TMPO: variants seen among roughly 807,000 people sequenced by gnomAD.
TMPO encodes thymopoietin.
TMPO carries 22 observed loss-of-function variants against 45.4 expected under a neutral mutation model. The observed-to-expected ratio is 0.48, with a 90% CI of 0.35 to 0.69. The LOEUF (loss-of-function observed/expected upper bound fraction) is 0.69, where lower values mean the gene tolerates loss of function less well. Among genes scored for constraint, TMPO ranks in the 30% least tolerant of loss-of-function variants. The probability of loss-of-function intolerance (pLI) is 0.01; values close to 1 mark genes in which losing one functional copy is unlikely to be tolerated. For synonymous variants in TMPO, 241 were observed against 204.1 expected, an observed-to-expected ratio of 1.18 and a Z score of -1.54; for missense variants, 512 against 548.8, an observed-to-expected ratio of 0.93 and a Z score of 0.67.
At chr12:98,527,627 A>C (rs1876877849) in intron 1 of TMPO, 1 of 381,382 alleles carries the variant, frequency 2.6e-6, no homozygotes, top group South Asian at 3.1e-5. Flanking sequence ...TATCTCTTTT[A>C]GATAGGTAAT....
intron 1 of TMPO, among the ~76,000 whole-genome samples, chr12:98,516,840 G>C (rs956645098): frequency 3.9e-5 from 6 of 152,074 alleles, no homozygotes; most frequent in African/African-American, 1.4e-4. Context: ...ATGGAGTGTC[G>C]CACTTGTTGC....
In TMPO at chr12:98,534,482, A is replaced by G. The variant is rs1877445718; in HGVS notation, c.565+2644A>G. The G allele has an allele frequency of 5.3e-6, 8 of 1,495,350 alleles. No homozygotes were observed. In the South Asian group the frequency reaches 9.1e-5, roughly 17 times the overall value. The allele number at this position is 1,495,350 out of a possible 1,614,324, so 92.6% of individuals were successfully genotyped here. On this transcript the variant is annotated intron_variant, in intron 3 of 8. Coordinates refer to ENST00000556029, the MANE Select transcript of TMPO (RefSeq NM_001032283.3). ...CTTCTACCCATCAAATTACAGTATAAAAGTAATTGCCTGTGTAGAACTACT... is the reference window on the plus strand; with the variant it reads ...CTTCTACCCATCAAATTACAGTATAGAAGTAATTGCCTGTGTAGAACTACT...
Position 98,516,128 on chromosome 12 carries a change from C to A in TMPO, c.261C>A (p.Ser87Arg). 1 of 1,479,602 alleles carries A rather than the reference C, an allele frequency of 6.8e-7. No individual in the cohort carries two copies. The highest frequency in any genetic ancestry group is 8.9e-7 in the Non-Finnish European group (1 of 1,125,546). 91.7% of individuals were successfully genotyped at this position (1,479,602 alleles called of 1,614,324 possible). Reference protein sequence around the residue: ...LGSGAAAAGRSRAAVGRKATK... With the variant: ...LGSGAAAAGRRRAAVGRKATK... ...CTGGGGCCGCCGCCGCGGGCCGGAG[C>A]CGAGCAGCCGTCGGCAGGGTAAGGA... Residue 87 changes from serine to arginine, a missense_variant, in exon 1 of 9, where the codon AGC (serine) becomes AGA (arginine). Physicochemically the swap from Ser to Arg is moderately radical, Grantham distance 110. Coordinates refer to ENST00000556029, the MANE Select transcript of TMPO (RefSeq NM_001032283.3).
rs1041565738 is a variant in TMPO at position 98,537,975 on chromosome 12, C to T, written c.663+403C>T. Reference sequence around the variant, plus strand: ...TTATGTTTGCCTGTCTTGTCTTCTGCGATTCTTTCCTAAACTCAGAAGCTA... The same window carrying T: ...TTATGTTTGCCTGTCTTGTCTTCTGTGATTCTTTCCTAAACTCAGAAGCTA... On this transcript the variant is annotated intron_variant, in intron 4 of 8. Transcript: ENST00000556029. 2.0e-5 allele frequency among the ~76,000 whole-genome samples: 3 copies of T among 152,184 alleles called. No individual in the cohort carries two copies. In the East Asian group the frequency reaches 5.8e-4, roughly 29 times the overall value.
chr12:98,545,137 T>TTG, intron 7 of TMPO, 76 bp downstream of exon 7: 1 of 1,204,518 alleles, frequency 8.3e-7, no homozygotes, highest in Non-Finnish European at 1.2e-6. Context: ...TTGTTTTTTT[T>TTG]TTTTTTTTTT....
Position 98,527,953 on chromosome 12 carries a change from C to T in TMPO, c.347C>T (p.Thr116Ile), listed in dbSNP as rs1369510468. Residue 116 changes from threonine (T) to isoleucine (I), a missense_variant, in exon 2 of 9, where the codon ACT (threonine) becomes ATT (isoleucine). Coordinates refer to ENST00000556029, the MANE Select transcript of TMPO (RefSeq NM_001032283.3). ...GATGATCTAGATGTAACAGAGCTCA[C>T]TAATGAAGATCTTTTGGATCAGCTT... is the stretch of plus-strand genomic sequence containing the variant. ...DKDDLDVTEL[T>I]NEDLLDQLVK... The T allele has an allele frequency of 6.2e-7, 1 of 1,613,704 alleles. No individual in the cohort carries two copies. Among genetic ancestry groups the T allele is most frequent in the African/African-American group, 1.3e-5 (1 of 74,912 alleles).
At chr12:98,536,225 A>G (rs955321281) in intron 3 of TMPO, among the ~76,000 whole-genome samples, 1 of 152,252 alleles carries the variant, frequency 6.6e-6, no homozygotes, top group African/African-American at 2.4e-5. Flanking sequence ...GAGTTCATGT[A>G]AAACTTTAGA....
chr12:98,524,662 C>T (rs997723709), intron 1 of TMPO, among the ~76,000 whole-genome samples: 4 of 152,006 alleles, frequency 2.6e-5, no homozygotes, highest in African/African-American at 7.2e-5. Flanking sequence ...GGCATGATGT[C>T]GACTCACTGC....
At chr12:98,521,102 T>TTTTTTTTTTTTTTTTTG (rs1876327158) in intron 1 of TMPO, among the ~76,000 whole-genome samples, 1 of 72,630 alleles carries the variant, frequency 1.4e-5, no homozygotes, top group Non-Finnish European at 2.7e-5. Context: ...TATGAGGAAT[T>TTTTTTTTTTTTTTTTTG]TTTTTTTTTT....
chr12:98,525,240 T>C (rs997120236), intron 1 of TMPO, among the ~76,000 whole-genome samples: 2 of 152,194 alleles, frequency 1.3e-5, no homozygotes, highest in Non-Finnish European at 2.9e-5. Flanking sequence ...CTGACAGTTC[T>C]AGGTCAGTGC....
At chr12:98,524,472 T>G (rs907034031) in intron 1 of TMPO, among the ~76,000 whole-genome samples, 1 of 151,804 alleles carries the variant, frequency 6.6e-6, no homozygotes, top group African/African-American at 2.4e-5. Context: ...CTCAGGAGGC[T>G]GAGGCAGGAG....
rs1878325143 is a variant in TMPO, at chr12:98,547,923, G to A, written c.*65G>A. The A allele has an allele frequency of 1.3e-6, 2 of 1,561,096 alleles. No homozygotes were observed. Among genetic ancestry groups the A allele is most frequent in the Non-Finnish European group, 8.8e-7 (1 of 1,138,578 alleles). The stretch of plus-strand genomic sequence containing the variant: ...TCAATAACTGTTGAAAAACATTTGT[G>A]TACACTTGTTGACTCCAAGAACTAA... On this transcript the variant is annotated 3_prime_UTR_variant, in exon 9 of 9. Coordinates refer to ENST00000556029, the MANE Select transcript of TMPO (RefSeq NM_001032283.3).
chr12:98,516,743 G>C (rs249825), intron 1 of TMPO, among the ~76,000 whole-genome samples: 118,388 of 152,236 alleles, frequency 0.78, 47,338 homozygotes, highest in African/African-American at 0.95. Context: ...GGCGGAACAG[G>C]TTCATGCCGA....
chr12:98,535,317 C>A, intron 3 of TMPO: 12 of 982,540 alleles, frequency 1.2e-5, no homozygotes, highest in Non-Finnish European at 1.5e-5. Flanking sequence ...ATCCCAGTAT[C>A]TGTATGTCTG....
chr12:98,543,404 G>T, intron 4 of TMPO, among the ~76,000 whole-genome samples: 1 of 152,200 alleles, frequency 6.6e-6, no homozygotes, highest in East Asian at 1.9e-4. Context: ...ATCAGAATCT[G>T]CATTTAACAG....
At chr12:98,534,862 A>G (rs1877474898) in intron 3 of TMPO, 15 of 999,558 alleles carry the variant, frequency 1.5e-5, no homozygotes, top group Middle Eastern at 5.1e-4. Flanking sequence ...CTGCAACATC[A>G]ATCATAGTAG....
chr12:98,533,290 T>A (rs778934309), intron 3 of TMPO: 25 of 1,613,644 alleles, frequency 1.5e-5, no homozygotes, highest in Non-Finnish European at 2.1e-5. Flanking sequence ...TCCTGAGAGG[T>A]CCCATATTTC....
intron 7 of TMPO, 114 bp from the exon 8 acceptor site, chr12:98,546,245 C>G (rs2121257348): frequency 1.3e-6 from 1 of 766,836 alleles, no homozygotes; most frequent in Non-Finnish European, 2.3e-6. Flanking sequence ...GCTGTAAAAT[C>G]TATGATAGAT....
chr12:98,545,112 A>G, intron 7 of TMPO, 51 bp downstream of exon 7: 1 of 1,330,384 alleles, frequency 7.5e-7, no homozygotes, highest in Admixed American at 1.8e-5. Flanking sequence ...TCAAAGAGGA[A>G]ATATAAATAT....
Sources: gnomAD v4.1 joint callset for allele counts (sites outside exome capture counted in the v4.1 genomes callset) on GRCh38, gnomAD v4.1.1 for gene constraint, MANE v1.5 for transcripts, NCBI Gene and HGNC (gene_info 2026-07-23, HGNC 2026-07-21) for gene names.